Variants in VWF observed in about 807,000 individuals in gnomAD.
The protein encoded by VWF is von Willebrand factor, also known as Factor VIII related antigen.
A neutral mutation model predicts 308.6 loss-of-function variants in VWF; 176 were observed. That is an observed-to-expected ratio of 0.57 (90% CI 0.50 to 0.65). The LOEUF (loss-of-function observed/expected upper bound fraction) is 0.65. VWF is among the 30% of genes least tolerant of loss of function. The probability of loss-of-function intolerance (pLI) is 0.00; values close to 1 mark genes in which losing one functional copy is unlikely to be tolerated. For missense variants in VWF, 3,146 were observed against 3,648.2 expected (o/e 0.86, Z 3.55); for synonymous variants, 1,385 against 1,443.4 (o/e 0.96, Z 0.92).
Position 6,016,554 on chromosome 12 carries a change from A to G in VWF, c.5273T>C (p.Val1758Ala), listed in dbSNP as rs1375213244. Residue 1758 changes from valine to alanine, a missense_variant, in exon 30 of 52, where the codon GTG becomes GCG. Around this residue, in one of 3 missense-constraint regions of VWF, gnomAD observed 853 missense variants for 1,177.8 expected, o/e 0.72. Transcript: ENST00000261405. ...GCCTCCCTCCCGCTGCATGACGTCC[A>G]CAAGGCTCAGCAAATGGGCTTTCTC... ...VPEKAHLLSL[V>A]DVMQREGGPS... 1 of 1,614,210 alleles carries G rather than the reference A, an allele frequency of 6.2e-7. No homozygotes were observed. Among genetic ancestry groups the G allele is most frequent in the East Asian group, 2.2e-5 (1 of 44,882 alleles).
intron 34 of VWF, among the ~76,000 whole-genome samples, chr12:6,010,419 C>T (rs1943981428): frequency 1.3e-5 from 2 of 152,218 alleles, no homozygotes; most frequent in Admixed American, 6.5e-5. Context: ...TTTTGCACAA[C>T]CACATCTCAC....
At chr12:6,087,404 G>C (rs1172773955) in intron 6 of VWF, among the ~76,000 whole-genome samples, 6 of 147,924 alleles carry the variant, frequency 4.1e-5, no homozygotes, top group Non-Finnish European at 7.4e-5. Flanking sequence ...TGTCGCCCAG[G>C]CTGGAGTGCA....
At chr12:6,094,879 A>ATTT (rs386375484) in intron 6 of VWF, among the ~76,000 whole-genome samples, 1,860 of 104,786 alleles carry the variant, frequency 0.018, 60 homozygotes, top group East Asian at 0.023. Flanking sequence ...TGCCCAGCTA[A>ATTT]TTTTTTTTTT....
At chr12:6,012,780 C>A (rs189676432) in intron 32 of VWF, among the ~76,000 whole-genome samples, 1 of 151,138 alleles carries the variant, frequency 6.6e-6, no homozygotes, top group African/African-American at 2.4e-5. Flanking sequence ...CGGCTCACTG[C>A]AAGCTCTGCC....
At position 6,095,487 on chromosome 12, in the gene VWF, G is replaced by A; in HGVS notation, c.630C>T (p.Cys210=). Residue 210 remains cysteine (C), a synonymous_variant, in exon 6 of 52, where the codon TGC becomes TGT. Transcript: ENST00000261405. ...TCTGCATTTCCCCAGAGGAGATGTT[G>A]CATGAGCTGCTGGGAGGAGATGCCC... The part of the protein sequence containing the change: ...CERASPPSSS[C]NISSGEMQKG... 1 of 1,614,146 alleles carries A rather than the reference G, an allele frequency of 6.2e-7. No homozygotes were observed. Among genetic ancestry groups the A allele is most frequent in the Admixed American group, 1.7e-5 (1 of 60,016 alleles).
chr12:6,119,326 A>G (rs1945405018), intron 3 of VWF, among the ~76,000 whole-genome samples: 1 of 152,220 alleles, frequency 6.6e-6, no homozygotes. Flanking sequence ...CTCCAGGGGC[A>G]GGGCCCAGTG....
chr12:6,054,999 C>G (rs1483219813), intron 15 of VWF, among the ~76,000 whole-genome samples: 1 of 152,184 alleles, frequency 6.6e-6, no homozygotes, highest in Admixed American at 6.5e-5. Context: ...TCACATAAAC[C>G]CACAGAGACA....
intron 3 of VWF, among the ~76,000 whole-genome samples, chr12:6,115,079 C>T (rs1945348361): frequency 6.6e-6 from 1 of 152,154 alleles, no homozygotes; most frequent in Non-Finnish European, 1.5e-5. Context: ...CTCTATCGCT[C>T]AGGATGACAT....
At chr12:5,969,495 G>T in intron 44 of VWF, 104 bp from the exon 45 acceptor site, 2 of 1,409,444 alleles carry the variant, frequency 1.4e-6, no homozygotes, top group Non-Finnish European at 2.0e-6. Context: ...TAGACGTGAA[G>T]CCTGGCTTAA....
chr12:6,092,792 C>G lies in VWF; in HGVS notation c.657+2668G>C, dbSNP rs188206592. 1.8e-4 allele frequency among the ~76,000 whole-genome samples: 28 copies of G among 151,934 alleles called. 1 individual carries two copies. In the East Asian group the frequency reaches 5.4e-3, roughly 29 times the overall value. The stretch of plus-strand genomic sequence containing the variant: ...CATTTCACCTTTTGACCTATAGAGG[C>G]TAATTTTAATGCATTTAAATGTTAA... On this transcript the variant is annotated intron_variant, in intron 6 of 51. Coordinates refer to ENST00000261405, the MANE Select transcript of VWF (RefSeq NM_000552.5).
intron 6 of VWF, among the ~76,000 whole-genome samples, chr12:6,092,653 G>C (rs1031485583): frequency 4.0e-5 from 6 of 148,932 alleles, no homozygotes; most frequent in Non-Finnish European, 7.4e-5. Context: ...GTGTGTGTGT[G>C]TGTGTGTGTG....
chr12:5,968,074 T>C lies in VWF; in HGVS notation c.7770+53A>G, dbSNP rs1688183632. 1.4e-5 allele frequency: 23 copies of C among 1,611,400 alleles called. No individual in the cohort carries two copies. In the South Asian group the frequency reaches 2.3e-4, roughly 16 times the overall value. On this transcript the variant is annotated intron_variant, in intron 46 of 51. Transcript: ENST00000261405. Reference sequence around the variant, plus strand: ...GACTTGCCTGCTCCCCTTCCCACAGTACCCCCTTCCCTGTCCCCACCACTT... The same window carrying C: ...GACTTGCCTGCTCCCCTTCCCACAGCACCCCCTTCCCTGTCCCCACCACTT...
intron 35 of VWF, among the ~76,000 whole-genome samples, chr12:5,994,861 C>T (rs1943791592): frequency 6.6e-6 from 1 of 152,094 alleles, no homozygotes; most frequent in Admixed American, 6.6e-5. Flanking sequence ...AACCTAAAAG[C>T]CTGGAGATTA....
At chr12:6,033,536 G>A (rs752445274) in intron 20 of VWF, among the ~76,000 whole-genome samples, 4 of 152,164 alleles carry the variant, frequency 2.6e-5, no homozygotes, top group African/African-American at 9.7e-5. Context: ...AGCTGGTGTC[G>A]CCCTCTCTTT....
chr12:6,011,691 A>G lies in VWF; in HGVS notation c.5768T>C (p.Leu1923Pro), dbSNP rs778370191. The change falls in exon 34 of 52, where the codon CTG becomes CCG. Residue 1923 changes from leucine to proline, a missense_variant. Physicochemically the swap from Leu to Pro is moderately conservative, Grantham distance 98. Coordinates refer to ENST00000261405, the MANE Select transcript of VWF (RefSeq NM_000552.5). The part of the protein sequence containing the change: ...KSHRVNCDRG[L>P]RPSCPNSQSP... ...CTGGCTGTTAGGGCACGAAGGCCTC[A>G]GCCCCCGGTCACAGTTGACCCGATG... 4.3e-6 allele frequency: 7 copies of G among 1,613,952 alleles called. No individual in the cohort carries two copies. The highest frequency in any genetic ancestry group is 2.7e-5 in the African/African-American group (2 of 75,068).
Position 6,020,681 on chromosome 12 carries a change from G to A in VWF, c.3675-938C>T, listed in dbSNP as rs189538421. On this transcript the variant is annotated intron_variant, in intron 27 of 51. Coordinates refer to ENST00000261405, the MANE Select transcript of VWF (RefSeq NM_000552.5). The surrounding 1 kb of genome is among the most constrained non-coding windows in gnomAD (Gnocchi z 4.3). ...ATGGGCCAGGACCATCTCCTCTTTG[G>A]ACTCTCAGCCTTGGAGGCACCTGGC... Among the ~76,000 whole-genome samples the A allele has an allele frequency of 5.1e-4, 78 of 152,366 alleles. No homozygotes were observed. The East Asian group carries it at 0.014, about 26-fold the overall frequency.
chr12:5,990,868 T>TAAAAAAAAAAAAAA (rs755717764), intron 38 of VWF, among the ~76,000 whole-genome samples: 4 of 31,456 alleles, frequency 1.3e-4, no homozygotes, highest in Non-Finnish European at 2.1e-4. Flanking sequence ...CCCATAGAGC[T>TAAAAAAAAAAAAAA]AAAAAAAAAA....
chr12:6,022,445 C>T (rs1287689365), intron 26 of VWF, among the ~76,000 whole-genome samples: 4 of 151,874 alleles, frequency 2.6e-5, no homozygotes, highest in South Asian at 4.2e-4. Context: ...CAGACACACT[C>T]GTCACAGTTA....
intron 25 of VWF, 120 bp downstream of exon 25, chr12:6,023,511 C>T: frequency 4.1e-6 from 6 of 1,467,458 alleles, no homozygotes; most frequent in Non-Finnish European, 5.6e-6. Context: ...CATCCAGTCC[C>T]TACTAACACT....
Sources: gnomAD v4.1 joint callset for allele counts (sites outside exome capture counted in the v4.1 genomes callset) on GRCh38, gnomAD v4.1.1 for gene constraint, gnomAD v4.1.1 regional missense constraint, Gnocchi (gnomAD v3.1) non-coding constraint, MANE v1.5 for transcripts, NCBI Gene and HGNC (gene_info 2026-07-23, HGNC 2026-07-21) for gene names.